The following ENTREP2 variants were observed in gnomAD, a reference collection of about 807,000 sequenced individuals.
ENTREP2 encodes the protein endosomal transmembrane epsin interactor 2.
At chr15:29,340,368 T>C in the ENTREP2 span, among the ~76,000 whole-genome samples, 3 of 151,988 alleles carry the variant, frequency 2.0e-5, no homozygotes, top group Admixed American at 6.6e-5. Flanking sequence ...CTGTAGACAA[T>C]GGGGAAGCAT....
chr15:29,351,243 G>GT, the ENTREP2 span, among the ~76,000 whole-genome samples: 1 of 152,188 alleles, frequency 6.6e-6, no homozygotes, highest in African/African-American at 2.4e-5. Context: ...TAATGCAATG[G>GT]TAAGTATTTG....
chr15:29,140,249 C>T, the ENTREP2 span, among the ~76,000 whole-genome samples: 1 of 152,130 alleles, frequency 6.6e-6, no homozygotes, highest in Non-Finnish European at 1.5e-5. Context: ...TTTTACCCAC[C>T]TCTGTACCCG....
the ENTREP2 span, among the ~76,000 whole-genome samples, chr15:29,657,210 G>A: frequency 5.8e-4 from 86 of 148,222 alleles, 2 homozygotes; most frequent in South Asian, 0.017. Context: ...ACCACGCCGC[G>A]CCAGCTTTTT....
At chr15:29,589,420 C>T in the ENTREP2 span, among the ~76,000 whole-genome samples, 6 of 152,246 alleles carry the variant, frequency 3.9e-5, no homozygotes, top group South Asian at 2.1e-4. Context: ...TATTTGAGAG[C>T]AAGTTTTTAA....
chr15:29,487,478 T>G, the ENTREP2 span, among the ~76,000 whole-genome samples: 1 of 152,204 alleles, frequency 6.6e-6, no homozygotes, highest in Non-Finnish European at 1.5e-5. Flanking sequence ...ACCCCCTCGC[T>G]CTCTCTATCA....
At chr15:29,316,688 T>A in the ENTREP2 span, among the ~76,000 whole-genome samples, 12 of 152,300 alleles carry the variant, frequency 7.9e-5, no homozygotes, top group South Asian at 2.3e-3. Flanking sequence ...CAATATGTCA[T>A]TCTCTTTACT....
the ENTREP2 span, among the ~76,000 whole-genome samples, chr15:29,513,479 C>A: frequency 6.6e-6 from 1 of 152,158 alleles, no homozygotes; most frequent in African/African-American, 2.4e-5. Context: ...TTTCCCTCTG[C>A]AAAACCATGT....
chr15:29,423,915 C>A, the ENTREP2 span, among the ~76,000 whole-genome samples: 1 of 152,158 alleles, frequency 6.6e-6, no homozygotes, highest in Non-Finnish European at 1.5e-5. Context: ...CAGACTATCT[C>A]AATGGGAAAA....
At chr15:29,364,003 G>T in the ENTREP2 span, among the ~76,000 whole-genome samples, 1 of 152,006 alleles carries the variant, frequency 6.6e-6, no homozygotes. Flanking sequence ...CATAACCTAA[G>T]AACCACCCAA....
the ENTREP2 span, among the ~76,000 whole-genome samples, chr15:29,598,034 G>A: frequency 0.012 from 1,782 of 152,106 alleles, 42 homozygotes; most frequent in African/African-American, 0.041. Context: ...GAGGATGGGG[G>A]ATCTCTTGAG....
chr15:29,641,683 T>C, the ENTREP2 span, among the ~76,000 whole-genome samples: 1 of 151,718 alleles, frequency 6.6e-6, no homozygotes, highest in Non-Finnish European at 1.5e-5. Context: ...AGCACAAAAA[T>C]TAGCCGGGCA....
At chr15:29,288,950 G>GT in the ENTREP2 span, among the ~76,000 whole-genome samples, 1 of 152,204 alleles carries the variant, frequency 6.6e-6, no homozygotes, top group Non-Finnish European at 1.5e-5. Flanking sequence ...GCTCACGCCT[G>GT]TAATTCCAGA....
the ENTREP2 span, among the ~76,000 whole-genome samples, chr15:29,595,518 G>A: frequency 1.3e-5 from 2 of 152,028 alleles, no homozygotes; most frequent in Non-Finnish European, 2.9e-5. Context: ...CAGAACACAC[G>A]TCCACAGTAT....
the ENTREP2 span, among the ~76,000 whole-genome samples, chr15:29,186,040 GT>G: frequency 2.6e-5 from 4 of 152,174 alleles, no homozygotes; most frequent in East Asian, 7.7e-4. Flanking sequence ...CCAGTCTGGT[GT>G]TTGGCCCCCG....
the ENTREP2 span, among the ~76,000 whole-genome samples, chr15:29,491,179 C>T: frequency 0.036 from 5,525 of 152,274 alleles, 311 homozygotes; most frequent in African/African-American, 0.12. Flanking sequence ...AGTGTGGGGC[C>T]GCTGCCTGCA....
chr15:29,543,929 C>A, the ENTREP2 span, among the ~76,000 whole-genome samples: 2 of 151,966 alleles, frequency 1.3e-5, no homozygotes, highest in Non-Finnish European at 2.9e-5. Flanking sequence ...TACATTTCCA[C>A]TCCGATTTTA....
chr15:29,388,384 C>T, the ENTREP2 span, among the ~76,000 whole-genome samples: 1 of 152,192 alleles, frequency 6.6e-6, no homozygotes, highest in East Asian at 1.9e-4. Context: ...CATCACTGGC[C>T]ATCAGAGAAA....
chr15:29,543,784 A>C, the ENTREP2 span, among the ~76,000 whole-genome samples: 1 of 151,758 alleles, frequency 6.6e-6, no homozygotes, highest in African/African-American at 2.4e-5. Flanking sequence ...ATCTCAAAAA[A>C]AAAAAAAATC....
chr15:29,191,884 A>G, the ENTREP2 span, among the ~76,000 whole-genome samples: 25 of 152,148 alleles, frequency 1.6e-4, no homozygotes, highest in Admixed American at 2.0e-4. Flanking sequence ...ACTGCACTCA[A>G]CCTGGGCAAC....
Sources: gnomAD v4.1 joint callset for allele counts (sites outside exome capture counted in the v4.1 genomes callset) on GRCh38, gnomAD v4.1.1 for gene constraint, MANE v1.5 for transcripts, NCBI Gene and HGNC (gene_info 2026-07-23, HGNC 2026-07-21) for gene names.